PATJ: variants seen among roughly 807,000 people sequenced by gnomAD.
The protein encoded by PATJ is inaD-like protein.
Under a neutral mutation model 224.9 loss-of-function variants are expected in PATJ, and 190 were observed. That is an observed-to-expected ratio of 0.84 (90% CI 0.75 to 0.95). The LOEUF is 0.95. Ranked by LOEUF, PATJ falls within the 40% of genes least tolerant of loss-of-function variation. The pLI is 0.00. For synonymous variants in PATJ, 769 were observed against 820.3 expected, an observed-to-expected ratio of 0.94 and a Z score of 1.07; for missense variants, 2,121 against 2,270.3, an observed-to-expected ratio of 0.93 and a Z score of 1.34.
At chr1:61,999,884 G>GT (rs201535490) in intron 28 of PATJ, among the ~76,000 whole-genome samples, 1 of 151,676 alleles carries the variant, frequency 6.6e-6, no homozygotes, top group South Asian at 2.1e-4. Context: ...TGTTTTTGTT[G>GT]TTTTTTTGGG....
At chr1:62,122,433 A>G (rs962975054) in intron 38 of PATJ, among the ~76,000 whole-genome samples, 2 of 151,416 alleles carry the variant, frequency 1.3e-5, no homozygotes, top group South Asian at 2.1e-4. Flanking sequence ...TTTACTCACC[A>G]TGTTCCAGGC....
intron 41 of PATJ, among the ~76,000 whole-genome samples, chr1:62,144,105 G>A (rs955344515): frequency 6.6e-6 from 1 of 152,200 alleles, no homozygotes; most frequent in Non-Finnish European, 1.5e-5. Flanking sequence ...GGGGCAGGGA[G>A]AAATCTATCG....
At chr1:62,139,611 C>T (rs1016948079) in intron 41 of PATJ, among the ~76,000 whole-genome samples, 2 of 151,986 alleles carry the variant, frequency 1.3e-5, no homozygotes, top group African/African-American at 4.8e-5. Flanking sequence ...TGAACACACC[C>T]TTTGGAGATC....
intron 31 of PATJ, among the ~76,000 whole-genome samples, chr1:62,065,905 G>A (rs1656328093): frequency 1.3e-5 from 2 of 152,162 alleles, no homozygotes; most frequent in Admixed American, 1.3e-4. Flanking sequence ...GCTGCTGCTT[G>A]GGCACTGTTC....
chr1:62,035,973 C>T (rs904903540), intron 29 of PATJ, among the ~76,000 whole-genome samples: 3 of 151,734 alleles, frequency 2.0e-5, no homozygotes, highest in South Asian at 2.1e-4. Context: ...GACCCTGAGG[C>T]GGGTAGATCT....
intron 33 of PATJ, among the ~76,000 whole-genome samples, chr1:62,096,906 T>C (rs2984822): frequency 0.58 from 88,659 of 151,960 alleles, 26,451 homozygotes; most frequent in Middle Eastern, 0.65. Flanking sequence ...CGTGAGCCAC[T>C]GCGCCCGGCC....
At chr1:61,949,718 T>TGAC (rs1359224713) in intron 27 of PATJ, among the ~76,000 whole-genome samples, 1 of 147,016 alleles carries the variant, frequency 6.8e-6, no homozygotes, top group South Asian at 2.2e-4. Context: ...ACCAGCCCGC[T>TGAC]CAACATGGTG....
At chr1:61,906,436 A>T (rs1043881671) in intron 24 of PATJ, among the ~76,000 whole-genome samples, 7 of 152,146 alleles carry the variant, frequency 4.6e-5, no homozygotes, top group Admixed American at 4.6e-4. Context: ...ACCCCAAGCC[A>T]CCTCAGTAGC....
chr1:61,856,414 A>G (rs1175725338), intron 18 of PATJ, among the ~76,000 whole-genome samples, 175 bp downstream of exon 18: 1 of 152,056 alleles, frequency 6.6e-6, no homozygotes, highest in African/African-American at 2.4e-5. Context: ...AATAATGTCT[A>G]CCTCATAGGG....
chr1:61,791,489 G>T (rs1468157633), intron 9 of PATJ, 42 bp downstream of exon 9: 3 of 1,247,240 alleles, frequency 2.4e-6, no homozygotes, highest in Non-Finnish European at 3.5e-6. Flanking sequence ...AATTGTAAAG[G>T]ATGTTAAGGT....
At chr1:62,151,878 C>T (rs1019822178) in intron 42 of PATJ, among the ~76,000 whole-genome samples, 3 of 152,200 alleles carry the variant, frequency 2.0e-5, no homozygotes, top group Non-Finnish European at 2.9e-5. Flanking sequence ...AAATTGGCAT[C>T]ACCTAAACTT....
At chr1:62,145,635 G>A (rs2149017129) in intron 41 of PATJ, among the ~76,000 whole-genome samples, 1 of 152,124 alleles carries the variant, frequency 6.6e-6, no homozygotes, top group East Asian at 1.9e-4. Context: ...ACTCCAGCCT[G>A]GGTGACAGAG....
At chr1:62,056,295 C>T (rs767562118) in intron 31 of PATJ, among the ~76,000 whole-genome samples, 16 of 152,174 alleles carry the variant, frequency 1.1e-4, no homozygotes, top group Non-Finnish European at 1.6e-4. Context: ...CACATGCTAA[C>T]TTATTCACAT....
At chr1:61,839,177 C>T (rs1208973027) in intron 17 of PATJ, among the ~76,000 whole-genome samples, 4 of 151,904 alleles carry the variant, frequency 2.6e-5, no homozygotes, top group Admixed American at 1.3e-4. Context: ...CTATACTGCT[C>T]TTTCCTTTGT....
At chr1:62,002,432 C>T (rs772730677) in intron 28 of PATJ, among the ~76,000 whole-genome samples, 8 of 152,158 alleles carry the variant, frequency 5.3e-5, no homozygotes, top group South Asian at 4.2e-4. Flanking sequence ...GAGAGCGGGG[C>T]GCAGTGGCTC....
At chr1:61,863,440 G>C (rs1045155500) in intron 19 of PATJ, among the ~76,000 whole-genome samples, 1 of 152,234 alleles carries the variant, frequency 6.6e-6, no homozygotes, top group Admixed American at 6.5e-5. Flanking sequence ...TGGTAGTAAA[G>C]AATAAGACTT....
intron 14 of PATJ, among the ~76,000 whole-genome samples, chr1:61,809,387 CTT>C (rs747444674): frequency 4.6e-4 from 64 of 137,838 alleles, no homozygotes; most frequent in Admixed American, 6.6e-4. Flanking sequence ...AATGTATTTT[CTT>C]TTTTTTTTTT....
chr1:62,127,916 G>C, intron 39 of PATJ, 56 bp from the exon 40 acceptor site: 1 of 1,589,500 alleles, frequency 6.3e-7, no homozygotes, highest in Non-Finnish European at 8.6e-7. Context: ...TCTAGGGATA[G>C]TCAGTTTGTG....
At chr1:61,843,326 C>G (rs1380015686) in intron 17 of PATJ, among the ~76,000 whole-genome samples, 1 of 152,174 alleles carries the variant, frequency 6.6e-6, no homozygotes, top group African/African-American at 2.4e-5. Context: ...GGTTTGCATT[C>G]TGGATATACT....
Sources: gnomAD v4.1 joint callset for allele counts (sites outside exome capture counted in the v4.1 genomes callset) on GRCh38, gnomAD v4.1.1 for gene constraint, MANE v1.5 for transcripts, NCBI Gene and HGNC (gene_info 2026-07-23, HGNC 2026-07-21) for gene names.